The following CSMD1 variants were observed in gnomAD, a reference collection of about 807,000 sequenced individuals.
CSMD1 encodes CUB and sushi domain-containing protein 1.
CSMD1 carries 213 observed loss-of-function variants against 417.5 expected under a neutral mutation model. The ratio of observed to expected loss-of-function variants is 0.51; its 90% confidence interval spans 0.46 to 0.57. The LOEUF (loss-of-function observed/expected upper bound fraction) is 0.57. CSMD1 is among the 20% of genes least tolerant of loss of function. CSMD1 has a pLI of 0.00. For missense variants in CSMD1, 6,923 were observed against 4,529.7 expected (o/e 1.53, Z -15.17); for synonymous variants, 2,862 against 1,736.8 (o/e 1.65, Z -16.11).
At chr8:3,915,667 A>G (rs1187976606) in intron 5 of CSMD1, among the ~76,000 whole-genome samples, 1 of 151,412 alleles carries the variant, frequency 6.6e-6, no homozygotes, top group East Asian at 1.9e-4. Flanking sequence ...TTCATAACTG[A>G]TATTACTAAT....
intron 3 of CSMD1, among the ~76,000 whole-genome samples, chr8:4,401,269 G>A (rs184318488): frequency 6.6e-6 from 1 of 152,158 alleles, no homozygotes; most frequent in African/African-American, 2.4e-5. Flanking sequence ...TATATGTCTT[G>A]AAACCTGTAA....
intron 3 of CSMD1, among the ~76,000 whole-genome samples, chr8:4,293,551 G>T (rs1331256953): frequency 6.6e-6 from 1 of 152,110 alleles, no homozygotes; most frequent in Non-Finnish European, 1.5e-5. Flanking sequence ...TGTCACCCCT[G>T]TGCCTTATCT....
At chr8:3,648,761 T>A (rs1047299644) in intron 7 of CSMD1, among the ~76,000 whole-genome samples, 1 of 152,174 alleles carries the variant, frequency 6.6e-6, no homozygotes, top group Non-Finnish European at 1.5e-5. Context: ...AGACATAAAG[T>A]AAGCAGTATG....
intron 3 of CSMD1, among the ~76,000 whole-genome samples, chr8:4,225,166 T>C (rs1364243715): frequency 5.3e-5 from 8 of 152,156 alleles, no homozygotes; most frequent in Non-Finnish European, 1.2e-4. Flanking sequence ...GGCAACTTCA[T>C]TGTACTATTT....
At chr8:3,401,158 T>G (rs1030403694) in intron 15 of CSMD1, among the ~76,000 whole-genome samples, 9 of 152,052 alleles carry the variant, frequency 5.9e-5, no homozygotes, top group Non-Finnish European at 7.4e-5. Flanking sequence ...TTTGTCATGT[T>G]TAACCATCCA....
At chr8:3,024,986 CTG>C (rs1367423930) in intron 51 of CSMD1, among the ~76,000 whole-genome samples, 2 of 151,698 alleles carry the variant, frequency 1.3e-5, no homozygotes, top group Non-Finnish European at 2.9e-5. Flanking sequence ...TATTCTAAAA[CTG>C]TGTATTGTGT....
intron 5 of CSMD1, among the ~76,000 whole-genome samples, chr8:3,865,317 AT>A (rs1461990956): frequency 6.6e-6 from 1 of 152,140 alleles, no homozygotes; most frequent in East Asian, 1.9e-4. Context: ...TACGCACTCA[AT>A]TTTTAATCTG....
intron 5 of CSMD1, among the ~76,000 whole-genome samples, chr8:3,781,519 G>C (rs955452417): frequency 4.6e-5 from 7 of 152,102 alleles, no homozygotes; most frequent in African/African-American, 1.4e-4. Context: ...TGCGATTGTG[G>C]ACATGGATAT....
chr8:4,368,880 T>G, intron 3 of CSMD1, among the ~76,000 whole-genome samples: 1 of 152,154 alleles, frequency 6.6e-6, no homozygotes, highest in East Asian at 1.9e-4. Context: ...TCTATCAATC[T>G]TATTTAATCC....
At chr8:3,008,683 G>A (rs760469508) in intron 52 of CSMD1, among the ~76,000 whole-genome samples, 35 of 152,302 alleles carry the variant, frequency 2.3e-4, no homozygotes, top group African/African-American at 8.2e-4. Flanking sequence ...CTGTGTTTTA[G>A]AGGAGGAATC....
At position 3,929,516 on chromosome 8, in the gene CSMD1, A is replaced by G. The variant is rs891023803; in HGVS notation, c.818+68387T>C. Among the ~76,000 whole-genome samples, 4 of 150,506 alleles carry G rather than the reference A, an allele frequency of 2.7e-5. 1 individual carries two copies. Among genetic ancestry groups the G allele is most frequent in the African/African-American group, 9.8e-5 (4 of 40,804 alleles). On this transcript the variant is annotated intron_variant, in intron 5 of 69. Transcript: ENST00000635120. ...CTGCAATCTGCATATTGAAATTCAA[A>G]GTCAACGTCCATTGGCAGGAACTGG... is the stretch of plus-strand genomic sequence containing the variant.
intron 12 of CSMD1, among the ~76,000 whole-genome samples, chr8:3,437,671 C>T (rs1814656354): frequency 6.6e-6 from 1 of 152,122 alleles, no homozygotes; most frequent in Non-Finnish European, 1.5e-5. Flanking sequence ...TTAATGTTTT[C>T]CCTTTCTAAT....
Position 3,568,689 on chromosome 8 carries a change from A to ATG in CSMD1, c.1344+6254_1344+6255dup, listed in dbSNP as rs112051468. On this transcript the variant is annotated intron_variant, in intron 10 of 69. Transcript: ENST00000635120. ...TCTCATTCCAGCTGATATACTGTAT[A>ATG]TGTGTATATATAGGTGTGTGTGTTT... 4.3e-3 allele frequency among the ~76,000 whole-genome samples: 649 copies of ATG among 152,246 alleles called. 3 individuals are homozygous for ATG. The highest frequency in any genetic ancestry group is 0.015 in the African/African-American group (614 of 41,552).
intron 3 of CSMD1, among the ~76,000 whole-genome samples, chr8:4,243,641 G>A (rs550101465): frequency 2.6e-5 from 4 of 151,960 alleles, no homozygotes; most frequent in Admixed American, 6.6e-5. Flanking sequence ...AATTATTACA[G>A]TTTCTTAAAA....
intron 9 of CSMD1, among the ~76,000 whole-genome samples, chr8:3,585,642 TACTC>T: frequency 6.6e-6 from 1 of 152,342 alleles, no homozygotes; most frequent in East Asian, 1.9e-4. Flanking sequence ...ATGAATATTT[TACTC>T]TGCTAACTAT....
intron 3 of CSMD1, among the ~76,000 whole-genome samples, chr8:4,122,845 G>A (rs910343781): frequency 6.6e-5 from 10 of 152,150 alleles, no homozygotes; most frequent in East Asian, 1.9e-4. Flanking sequence ...AGTTCACAGA[G>A]AACAGAAACT....
intron 2 of CSMD1, among the ~76,000 whole-genome samples, chr8:4,560,515 T>A (rs1002028863): frequency 3.9e-5 from 6 of 152,182 alleles, no homozygotes; most frequent in African/African-American, 9.7e-5. Context: ...AACTTTAACA[T>A]GATTTTGCAT....
intron 51 of CSMD1, among the ~76,000 whole-genome samples, chr8:3,021,225 C>T (rs1298554887): frequency 6.6e-6 from 1 of 152,154 alleles, no homozygotes; most frequent in Non-Finnish European, 1.5e-5. Context: ...GGTGACAAAA[C>T]TATTTTAAGT....
At chr8:3,189,062 G>T in intron 34 of CSMD1, 51 bp from the exon 35 acceptor site, 1 of 1,525,864 alleles carries the variant, frequency 6.6e-7, no homozygotes, top group Non-Finnish European at 8.9e-7. Flanking sequence ...GGACAGTGTT[G>T]ATTTGGCATG....
Sources: allele counts gnomAD v4.1 joint callset (sites outside exome capture counted in the v4.1 genomes callset), GRCh38; gene constraint gnomAD v4.1.1; transcripts MANE v1.5; gene names NCBI Gene and HGNC (gene_info 2026-07-23, HGNC 2026-07-21).